FAM13A: variants seen among roughly 807,000 people sequenced by gnomAD.
FAM13A encodes protein FAM13A.
A neutral mutation model predicts 129.6 loss-of-function variants in FAM13A; 76 were observed. The observed-to-expected ratio is 0.59, with a 90% CI of 0.49 to 0.71. The LOEUF is 0.71. Ranked by LOEUF, FAM13A falls within the 30% of genes least tolerant of loss-of-function variation. The probability of loss-of-function intolerance (pLI) is 0.00; values close to 1 mark genes in which losing one functional copy is unlikely to be tolerated. For missense variants in FAM13A, 1,108 were observed against 1,249.3 expected (o/e 0.89, Z 1.70); for synonymous variants, 443 against 449.9 (o/e 0.98, Z 0.20).
At chr4:88,802,671 G>T (rs1232777154) in intron 8 of FAM13A, among the ~76,000 whole-genome samples, 1 of 152,126 alleles carries the variant, frequency 6.6e-6, no homozygotes, top group Non-Finnish European at 1.5e-5. Flanking sequence ...GGCCTCTCTG[G>T]TTCCCTGTTC....
In FAM13A at chr4:88,971,650, GAAC is replaced by G. The variant is rs201794994; in HGVS notation, c.605+19320_605+19322del. On this transcript the variant is annotated intron_variant, in intron 4 of 23. Coordinates refer to ENST00000264344, the MANE Select transcript of FAM13A (RefSeq NM_014883.4). Reference sequence around the variant, plus strand: ...GCCTCCCAAGTAGCTGGGACTATAAGAACACACCACCACACCCAGCTTTGTTTT... The same window carrying G: ...GCCTCCCAAGTAGCTGGGACTATAAGACACCACCACACCCAGCTTTGTTTT... 9.2e-3 allele frequency among the ~76,000 whole-genome samples: 1,402 copies of G among 152,164 alleles called. 7 individuals are homozygous for G. The highest frequency in any genetic ancestry group is 0.016 in the Non-Finnish European group (1,109 of 67,992).
chr4:89,029,674 G>A, intron 1 of FAM13A, 25 bp from the exon 2 acceptor site: 1 of 1,565,438 alleles, frequency 6.4e-7, no homozygotes, highest in African/African-American at 1.4e-5. Context: ...AGAAAAAAGA[G>A]CAGTCAGTCA....
At chr4:88,994,428 T>G (rs1241647279) in intron 3 of FAM13A, among the ~76,000 whole-genome samples, 1 of 152,200 alleles carries the variant, frequency 6.6e-6, no homozygotes, top group Non-Finnish European at 1.5e-5. Flanking sequence ...AGAATAATAA[T>G]TGCTCAACAC....
rs1741938223 is a variant in FAM13A, at chr4:88,874,088, CTG to C, written c.844-22907_844-22906del. 3.3e-5 allele frequency among the ~76,000 whole-genome samples: 5 copies of C among 152,228 alleles called. No individual in the cohort carries two copies. The South Asian group carries it at 6.2e-4, about 19-fold the overall frequency. On this transcript the variant is annotated intron_variant, in intron 6 of 23. Coordinates refer to ENST00000264344, the MANE Select transcript of FAM13A (RefSeq NM_014883.4). ...AAAAGGCCTTCGACAAAATTCAACA[CTG>C]CTTCATGCTGAAAAACTCTCAATAA...
At chr4:88,743,895 G>A (rs1227652829) in intron 19 of FAM13A, among the ~76,000 whole-genome samples, 3 of 152,184 alleles carry the variant, frequency 2.0e-5, no homozygotes, top group Non-Finnish European at 4.4e-5. Context: ...AGTAGTTTGA[G>A]TTTGTGTGTG....
At chr4:88,777,124 G>A (rs1194952947) in intron 11 of FAM13A, among the ~76,000 whole-genome samples, 1 of 84,460 alleles carries the variant, frequency 1.2e-5, no homozygotes, top group Admixed American at 1.0e-4. Context: ...TTTGGAGATG[G>A]AGACTTTTTT....
intron 19 of FAM13A, among the ~76,000 whole-genome samples, chr4:88,740,111 C>T (rs1298330397): frequency 3.9e-5 from 6 of 152,138 alleles, no homozygotes; most frequent in Non-Finnish European, 1.5e-5. Context: ...TGTCTCAACC[C>T]TCTTGTCCAA....
chr4:88,750,343 T>G (rs1036473670), intron 15 of FAM13A, 81 bp downstream of exon 15: 1 of 1,170,100 alleles, frequency 8.5e-7, no homozygotes, highest in Non-Finnish European at 1.3e-6. Context: ...TTAAAAAAAA[T>G]TATTCACTAT....
chr4:88,872,705 C>T (rs1356321858), intron 6 of FAM13A, among the ~76,000 whole-genome samples: 1 of 152,134 alleles, frequency 6.6e-6, no homozygotes, highest in Non-Finnish European at 1.5e-5. Context: ...TTTAACAACC[C>T]ACTGTCAATA....
At chr4:89,014,313 A>C (rs1263203658) in intron 3 of FAM13A, among the ~76,000 whole-genome samples, 2 of 152,176 alleles carry the variant, frequency 1.3e-5, no homozygotes, top group African/African-American at 4.8e-5. Context: ...GATTTAACCC[A>C]TTACCACTAT....
Position 88,938,161 on chromosome 4 carries a change from G to T in FAM13A, c.686C>A (p.Thr229Asn). 1 of 1,612,482 alleles carries T rather than the reference G, an allele frequency of 6.2e-7. No homozygotes were observed. Among genetic ancestry groups the T allele is most frequent in the African/African-American group, 1.3e-5 (1 of 74,954 alleles). Residue 229 changes from threonine (T) to asparagine (N), a missense_variant, in exon 5 of 24, where the codon ACC becomes AAC. Thr to Asn is a moderately conservative substitution (Grantham distance 65, BLOSUM62 0). Transcript: ENST00000264344. The stretch of plus-strand genomic sequence containing the variant: ...TTCTGTATACTCTACTTCAAACAGG[G>T]TATTGTAATTTTCTAGAATTTTAGC... ...IMAKILENYN[T>N]LFEVEYTEND...
chr4:88,861,928 G>A (rs1739558203), intron 6 of FAM13A, among the ~76,000 whole-genome samples: 1 of 152,218 alleles, frequency 6.6e-6, no homozygotes, highest in African/African-American at 2.4e-5. Flanking sequence ...CACACAGATA[G>A]TAAGTGATGA....
intron 3 of FAM13A, among the ~76,000 whole-genome samples, chr4:89,012,076 A>T (rs1765809120): frequency 6.6e-6 from 1 of 152,222 alleles, no homozygotes; most frequent in Non-Finnish European, 1.5e-5. Flanking sequence ...AACTACTTAC[A>T]TTTATATTAG....
chr4:88,728,898 A>G (rs2149376026), intron 23 of FAM13A: 2 of 386,958 alleles, frequency 5.2e-6, no homozygotes, highest in Non-Finnish European at 9.4e-6. Context: ...ATCCTGTATG[A>G]TAAGAAGGCT....
chr4:88,976,668 G>GCACAGTGTTTATAAAGTT (rs1553912171), intron 4 of FAM13A, among the ~76,000 whole-genome samples: 2 of 150,654 alleles, frequency 1.3e-5, no homozygotes, highest in Non-Finnish European at 1.5e-5. Flanking sequence ...TAGCCTAAGT[G>GCACAGTGTTTATAAAGTT]TACAGTAGTG....
At chr4:89,003,390 C>T (rs1164611311) in intron 3 of FAM13A, among the ~76,000 whole-genome samples, 1 of 151,924 alleles carries the variant, frequency 6.6e-6, no homozygotes. Context: ...GTGGGCAGAT[C>T]ACTTGAGTTC....
intron 6 of FAM13A, among the ~76,000 whole-genome samples, chr4:88,900,576 C>T (rs1747130058): frequency 6.6e-6 from 1 of 151,990 alleles, no homozygotes; most frequent in South Asian, 2.1e-4. Flanking sequence ...GAAATAAGAT[C>T]CTTTGCAGAC....
chr4:88,832,335 T>G (rs1188679220), intron 7 of FAM13A, among the ~76,000 whole-genome samples: 2 of 152,176 alleles, frequency 1.3e-5, no homozygotes, highest in Admixed American at 6.5e-5. Context: ...GGGCGAAGAT[T>G]TCATGATGAA....
chr4:88,906,691 C>T (rs1748225898), intron 5 of FAM13A, among the ~76,000 whole-genome samples: 1 of 152,148 alleles, frequency 6.6e-6, no homozygotes, highest in African/African-American at 2.4e-5. Flanking sequence ...ATGTACAGTA[C>T]ATATATTCAG....
Sources: gnomAD v4.1 joint callset for allele counts (sites outside exome capture counted in the v4.1 genomes callset) on GRCh38, gnomAD v4.1.1 for gene constraint, MANE v1.5 for transcripts, NCBI Gene and HGNC (gene_info 2026-07-23, HGNC 2026-07-21) for gene names.